Variants in HMBOX1 observed in about 807,000 individuals in gnomAD.
HMBOX1 encodes the protein homeobox-containing protein 1.
Under a neutral mutation model 54.5 loss-of-function variants are expected in HMBOX1, and 14 were observed. The ratio of observed to expected loss-of-function variants is 0.26; its 90% confidence interval spans 0.17 to 0.40. HMBOX1 has a LOEUF of 0.40. HMBOX1 is among the 10% of genes least tolerant of loss of function. The pLI, the probability that HMBOX1 is intolerant of heterozygous loss-of-function variation, is 1.00. For missense variants in HMBOX1, 332 were observed against 514.4 expected, an observed-to-expected ratio of 0.65 and a Z score of 3.43; for synonymous variants, 160 against 181.0, an observed-to-expected ratio of 0.88 and a Z score of 0.93.
At chr8:28,905,137 A>C (rs1266575194) in intron 1 of HMBOX1, among the ~76,000 whole-genome samples, 1 of 152,208 alleles carries the variant, frequency 6.6e-6, no homozygotes, top group Non-Finnish European at 1.5e-5. Flanking sequence ...TTGTTTTAGA[A>C]GGGGAATCTA....
intron 1 of HMBOX1, among the ~76,000 whole-genome samples, chr8:28,907,986 C>T (rs968317225): frequency 6.6e-5 from 10 of 151,938 alleles, no homozygotes; most frequent in Non-Finnish European, 1.0e-4. Context: ...TCTGGGACCA[C>T]AGGTACATGC....
chr8:28,951,249 C>T (rs1823366029), intron 1 of HMBOX1, among the ~76,000 whole-genome samples: 1 of 152,196 alleles, frequency 6.6e-6, no homozygotes, highest in South Asian at 2.1e-4. Flanking sequence ...TCTCCTACCT[C>T]AGCCTCCCAA....
At chr8:28,998,905 A>G (rs1417234700) in intron 4 of HMBOX1, among the ~76,000 whole-genome samples, 1 of 152,124 alleles carries the variant, frequency 6.6e-6, no homozygotes, top group African/African-American at 2.4e-5. Context: ...CATTTCTCCT[A>G]TAATAGGTTA....
intron 1 of HMBOX1, among the ~76,000 whole-genome samples, chr8:28,943,121 T>G (rs369655022): frequency 6.8e-4 from 103 of 152,356 alleles, no homozygotes; most frequent in African/African-American, 2.1e-3. Context: ...AAAAATAGGT[T>G]GTTGTGTTTC....
At chr8:28,903,296 G>T (rs1813606225) in intron 1 of HMBOX1, among the ~76,000 whole-genome samples, 1 of 152,228 alleles carries the variant, frequency 6.6e-6, no homozygotes, top group Admixed American at 6.5e-5. Context: ...GCCACTTGTG[G>T]CCTTTGAAAG....
intron 2 of HMBOX1, among the ~76,000 whole-genome samples, 198 bp from the exon 3 acceptor site, chr8:28,969,845 A>G (rs994126606): frequency 1.1e-4 from 16 of 152,148 alleles, no homozygotes; most frequent in Admixed American, 2.0e-4. Context: ...TTTATGTTAC[A>G]CCTATGTTCA....
chr8:28,915,787 AACT>A (rs1422308628), intron 1 of HMBOX1: 7 of 151,884 alleles, frequency 4.6e-5, no homozygotes, highest in African/African-American at 9.7e-5. Flanking sequence ...TATAGCACAG[AACT>A]CCTGGGTTCA....
chr8:28,932,762 T>C (rs966100858), intron 1 of HMBOX1, among the ~76,000 whole-genome samples: 5 of 152,236 alleles, frequency 3.3e-5, no homozygotes, highest in Admixed American at 2.6e-4. Flanking sequence ...TTGTCTGTGC[T>C]TCCTCAGGAG....
chr8:28,915,332 C>T (rs139632073), intron 1 of HMBOX1, among the ~76,000 whole-genome samples: 153 of 151,874 alleles, frequency 1.0e-3, no homozygotes, highest in Admixed American at 1.3e-3. Flanking sequence ...CTGAGGCGGG[C>T]GGATCACAAG....
intron 1 of HMBOX1, among the ~76,000 whole-genome samples, chr8:28,925,410 A>G (rs1818276513): frequency 6.6e-6 from 1 of 152,120 alleles, no homozygotes; most frequent in Admixed American, 6.5e-5. Context: ...GTTCTTTTTA[A>G]ATGGCAGCCA....
intron 1 of HMBOX1, among the ~76,000 whole-genome samples, chr8:28,926,304 T>TATATATACACACAC (rs796953426): frequency 3.5e-5 from 5 of 142,138 alleles, no homozygotes; most frequent in African/African-American, 1.1e-4. Context: ...TATATATATA[T>TATATATACACACAC]ACACACACAC....
At chr8:28,986,281 G>A (rs1830151818) in intron 4 of HMBOX1, among the ~76,000 whole-genome samples, 1 of 151,974 alleles carries the variant, frequency 6.6e-6, no homozygotes, top group African/African-American at 2.4e-5. Context: ...ATATTCCATT[G>A]TCTGGATGTA....
chr8:29,051,306 G>A lies in HMBOX1; in HGVS notation c.*151G>A, dbSNP rs150865526. The A allele has an allele frequency of 8.8e-5, 69 of 785,436 alleles. No homozygotes were observed. The East Asian group carries it at 1.8e-3, about 20-fold the overall frequency. The allele number at this position is 785,436 out of a possible 1,614,324, so 48.7% of individuals were successfully genotyped here. Reference sequence around the variant, plus strand: ...GGTCTTGTTCTGTGAAGATGGCATGGTGCCCTCAGCCTTTGCATATACTCT... The same window carrying A: ...GGTCTTGTTCTGTGAAGATGGCATGATGCCCTCAGCCTTTGCATATACTCT... On this transcript the variant is annotated 3_prime_UTR_variant, in exon 10 of 10. Transcript: ENST00000287701.
intron 6 of HMBOX1, among the ~76,000 whole-genome samples, chr8:29,043,025 T>A (rs1412593241): frequency 5.9e-5 from 9 of 152,242 alleles, no homozygotes; most frequent in South Asian, 4.1e-4. Flanking sequence ...TAAAGTGTTG[T>A]CTTTCTAGAA....
chr8:29,036,081 T>C (rs182297609), intron 6 of HMBOX1, among the ~76,000 whole-genome samples: 1 of 152,160 alleles, frequency 6.6e-6, no homozygotes, highest in Non-Finnish European at 1.5e-5. Context: ...TAGGATAAAG[T>C]GTACTAAAAA....
intron 4 of HMBOX1, among the ~76,000 whole-genome samples, chr8:29,003,452 T>C (rs889867880): frequency 6.7e-6 from 1 of 149,230 alleles, no homozygotes; most frequent in African/African-American, 2.5e-5. Flanking sequence ...ATATGTAGAA[T>C]AACCCCAAGT....
chr8:28,999,904 T>C (rs2132704708), intron 4 of HMBOX1, among the ~76,000 whole-genome samples: 1 of 152,312 alleles, frequency 6.6e-6, no homozygotes, highest in East Asian at 1.9e-4. Flanking sequence ...ACACTTCTTA[T>C]TGACTGCTTC....
At chr8:29,008,942 G>A (rs915451393) in intron 4 of HMBOX1, 130 bp from the exon 5 acceptor site, 48 of 607,564 alleles carry the variant, frequency 7.9e-5, no homozygotes, top group Non-Finnish European at 1.4e-4. Context: ...ATAATAGTTT[G>A]CTCAGGTTGC....
chr8:28,995,018 GA>G (rs1831582018), intron 4 of HMBOX1, among the ~76,000 whole-genome samples: 1 of 152,000 alleles, frequency 6.6e-6, no homozygotes, highest in African/African-American at 2.4e-5. Context: ...AAAAATATAA[GA>G]AAAACTAGTG....
Sources: allele counts gnomAD v4.1 joint callset (sites outside exome capture counted in the v4.1 genomes callset), GRCh38; gene constraint gnomAD v4.1.1; transcripts MANE v1.5; gene names NCBI Gene and HGNC (gene_info 2026-07-23, HGNC 2026-07-21).